Variants in CUL2 observed in about 807,000 individuals in gnomAD.
CUL2 encodes cullin-2.
Under a neutral mutation model 110.2 loss-of-function variants are expected in CUL2, and 22 were observed. The observed-to-expected ratio is 0.20, with a 90% CI of 0.14 to 0.28. The LOEUF is 0.28. Ranked by LOEUF, CUL2 falls within the 10% of genes least tolerant of loss-of-function variation. CUL2 has a pLI of 1.00. For synonymous variants in CUL2, 279 were observed against 293.2 expected (o/e 0.95, Z 0.49); for missense variants, 631 against 905.5 (o/e 0.70, Z 3.89).
intron 6 of CUL2, among the ~76,000 whole-genome samples, chr10:35,046,744 T>C (rs11598363): frequency 0.13 from 19,139 of 152,000 alleles, 1,445 homozygotes; most frequent in Middle Eastern, 0.18. Flanking sequence ...ATACAAAAAT[T>C]AGCTGGGCAT....
At chr10:35,070,451 C>T (rs576111359) in intron 2 of CUL2, among the ~76,000 whole-genome samples, 89 of 152,258 alleles carry the variant, frequency 5.8e-4, no homozygotes, top group African/African-American at 2.0e-3. Context: ...AAAGAATGTA[C>T]GCCCCATATA....
intron 8 of CUL2, among the ~76,000 whole-genome samples, chr10:35,042,382 G>A (rs1333137461): frequency 6.6e-6 from 1 of 152,074 alleles, no homozygotes; most frequent in Non-Finnish European, 1.5e-5. Context: ...TAAGTACATT[G>A]GTTTTCATCT....
At chr10:35,105,367 A>T (rs1007180031) in intron 1 of CUL2, among the ~76,000 whole-genome samples, 1 of 151,244 alleles carries the variant, frequency 6.6e-6, no homozygotes, top group Non-Finnish European at 1.5e-5. Context: ...CGGAGCTTGC[A>T]GTGAGCCGAG....
intron 1 of CUL2, among the ~76,000 whole-genome samples, chr10:35,105,192 G>A (rs1482539962): frequency 6.6e-6 from 1 of 151,412 alleles, no homozygotes; most frequent in East Asian, 2.0e-4. Flanking sequence ...TTGGGAGGCC[G>A]AGGCGGGCGG....
chr10:35,032,524 AC>A, intron 11 of CUL2, 30 bp from the exon 12 acceptor site: 1 of 1,545,290 alleles, frequency 6.5e-7, no homozygotes, highest in Non-Finnish European at 8.7e-7. Context: ...ATAATTAACC[AC>A]CAGCCATAGG....
rs200659464 is a variant in CUL2, at chr10:35,063,057, A to T, written c.125T>A (p.Ile42Asn). 1 of 1,521,028 alleles carries T rather than the reference A, an allele frequency of 6.6e-7. No individual in the cohort carries two copies. Among genetic ancestry groups the T allele is most frequent in the Admixed American group, 1.8e-5 (1 of 56,684 alleles). The allele number at this position is 1,521,028 out of a possible 1,614,324, so 94.2% of individuals were successfully genotyped here. A position where few individuals can be genotyped will look rare whatever the true frequency, so the allele number is the denominator to read the frequency against. ...AGGATAGGCCACACATAAAGCATAG[A>T]TATCTCTAGTTAAATTATTAAGGTT... ...RATWNDRFSDIYALCVAYPEP... is the reference protein window; with the variant it reads ...RATWNDRFSDNYALCVAYPEP... The change falls in exon 3 of 21, where the codon ATC becomes AAC. Residue 42 changes from isoleucine (I) to asparagine (N), a missense_variant. This residue lies in a region of CUL2 where 338 missense variants were observed against 442.5 expected (regional missense o/e 0.76). Coordinates refer to ENST00000374749, the MANE Select transcript of CUL2 (RefSeq NM_003591.4).
At chr10:35,122,453 TAAGTTCTCAG>T (rs1564760744) in intron 1 of CUL2, among the ~76,000 whole-genome samples, 1 of 152,206 alleles carries the variant, frequency 6.6e-6, no homozygotes, top group Non-Finnish European at 1.5e-5. Flanking sequence ...TTTTGACTTC[TAAGTTCTCAG>T]ATTTCACACA....
chr10:35,073,914 C>T (rs1303875947), intron 1 of CUL2, among the ~76,000 whole-genome samples: 1 of 152,090 alleles, frequency 6.6e-6, no homozygotes, highest in Non-Finnish European at 1.5e-5. Context: ...CCTGTTCTCC[C>T]CATTTTCTGA....
intron 5 of CUL2, 91 bp from the exon 6 acceptor site, chr10:35,049,856 A>T: frequency 1.3e-6 from 1 of 798,324 alleles, no homozygotes; most frequent in Non-Finnish European, 2.1e-6. Context: ...AATACTCATC[A>T]AAAGAAGTAT....
At chr10:35,018,763 C>CA (rs35275515) in intron 17 of CUL2, among the ~76,000 whole-genome samples, 80,039 of 117,414 alleles carry the variant, frequency 0.68, 27,750 homozygotes, top group African/African-American at 0.77. Flanking sequence ...AACTCCGTCT[C>CA]AAAAAAAAAA....
intron 3 of CUL2, 47 bp downstream of exon 3, chr10:35,062,913 G>C: frequency 9.3e-7 from 1 of 1,077,360 alleles, no homozygotes; most frequent in Non-Finnish European, 1.4e-6. Flanking sequence ...AACTAGTAAA[G>C]TATACAACTA....
chr10:35,082,910 C>G (rs1229353603), intron 1 of CUL2, among the ~76,000 whole-genome samples: 1 of 152,104 alleles, frequency 6.6e-6, no homozygotes, highest in Non-Finnish European at 1.5e-5. Flanking sequence ...GTAATCCCAG[C>G]AGTTTGGGAG....
At chr10:35,071,095 A>T (rs2086665024) in intron 2 of CUL2, 104 bp downstream of exon 2, 4 of 1,126,250 alleles carry the variant, frequency 3.6e-6, no homozygotes, top group Non-Finnish European at 5.1e-6. Flanking sequence ...ATATATTAGA[A>T]AATAGTTACA....
At chr10:35,114,541 C>T (rs1270498898) in intron 1 of CUL2, among the ~76,000 whole-genome samples, 2 of 151,810 alleles carry the variant, frequency 1.3e-5, no homozygotes, top group Non-Finnish European at 2.9e-5. Flanking sequence ...CGCCACCACA[C>T]CTGGCTAATT....
In CUL2 at chr10:35,008,685, TAA is replaced by T. The variant is rs1665517495; in HGVS notation, c.*1624_*1625del. On this transcript the variant is annotated 3_prime_UTR_variant, in exon 21 of 21. Transcript: ENST00000374749. ...AAGGTAAAATGAGAAATACATTATA[TAA>T]GTCATTATAAGTTCAGTAGATTTTT... 3 of 152,202 alleles carry T rather than the reference TAA, an allele frequency of 2.0e-5. No individual in the cohort carries two copies. In the South Asian group the frequency reaches 6.2e-4, roughly 31 times the overall value. The allele number at this position is 152,202 out of a possible 1,614,324, so 9.4% of individuals were successfully genotyped here.
intron 1 of CUL2, chr10:35,120,505 C>CAAAATA (rs2087665236): frequency 6.6e-6 from 1 of 152,120 alleles, no homozygotes; most frequent in African/African-American, 2.4e-5. Flanking sequence ...GGCACTATAA[C>CAAAATA]CTACAAAATA....
rs899528817 is a variant in CUL2, at chr10:35,024,486, G to C, written c.1684+646C>G. Among the ~76,000 whole-genome samples the C allele has an allele frequency of 4.5e-4, 69 of 152,108 alleles. 1 individual carries two copies. Among genetic ancestry groups the C allele is most frequent in the Admixed American group, 4.1e-3 (63 of 15,258 alleles). ...AAAGAAAAAGTGATTCAATGAACTT[G>C]TCAAAGCATAGTTTAGCAAAAAAAG... On this transcript the variant is annotated intron_variant, in intron 17 of 20. Coordinates refer to ENST00000374749, the MANE Select transcript of CUL2 (RefSeq NM_003591.4).
At chr10:35,024,300 A>G (rs2085284604) in intron 17 of CUL2, among the ~76,000 whole-genome samples, 2 of 152,208 alleles carry the variant, frequency 1.3e-5, no homozygotes, top group South Asian at 4.1e-4. Flanking sequence ...TCACGTTCCC[A>G]AGATGTAAAT....
At chr10:35,074,513 T>C (rs1316845466) in intron 1 of CUL2, among the ~76,000 whole-genome samples, 5 of 152,164 alleles carry the variant, frequency 3.3e-5, no homozygotes, top group African/African-American at 1.2e-4. Flanking sequence ...GCTTTTTTTT[T>C]GTTTGTTCCT....
Sources: gnomAD v4.1 joint callset for allele counts (sites outside exome capture counted in the v4.1 genomes callset) on GRCh38, gnomAD v4.1.1 for gene constraint, gnomAD v4.1.1 regional missense constraint, MANE v1.5 for transcripts, NCBI Gene and HGNC (gene_info 2026-07-23, HGNC 2026-07-21) for gene names.